The following CACNA2D3 variants were observed in gnomAD, a reference collection of about 807,000 sequenced individuals.
CACNA2D3 encodes calcium voltage-gated channel auxiliary subunit alpha2delta 3.
CACNA2D3 carries 60 observed loss-of-function variants against 160.6 expected under a neutral mutation model. The ratio of observed to expected loss-of-function variants is 0.37; its 90% CI spans 0.30 to 0.46. The LOEUF is 0.46. CACNA2D3 is among the 20% of genes least tolerant of loss of function. CACNA2D3 has a pLI of 1.00. For missense variants in CACNA2D3, 1,205 were observed against 1,365.0 expected (o/e 0.88, Z 1.85); for synonymous variants, 558 against 492.9 (o/e 1.13, Z -1.75).
intron 27 of CACNA2D3, among the ~76,000 whole-genome samples, chr3:54,921,560 C>T (rs1044694848): frequency 6.6e-6 from 1 of 152,110 alleles, no homozygotes; most frequent in African/African-American, 2.4e-5. Flanking sequence ...AATTTTCCCA[C>T]TTTTTGTGGT....
intron 3 of CACNA2D3, among the ~76,000 whole-genome samples, chr3:54,350,116 T>C (rs1324943339): frequency 2.0e-5 from 3 of 152,324 alleles, no homozygotes; most frequent in Middle Eastern, 3.4e-3. Flanking sequence ...TCCTTCCCCC[T>C]TCCAGTTGAA....
intron 4 of CACNA2D3, among the ~76,000 whole-genome samples, chr3:54,423,014 G>A (rs1238000578): frequency 1.3e-5 from 2 of 152,310 alleles, no homozygotes; most frequent in South Asian, 2.1e-4. Context: ...TGGCTGGGAT[G>A]ATGCCCAGAG....
Position 54,586,953 on chromosome 3 carries a change from A to T in CACNA2D3, c.963+5076A>T, listed in dbSNP as rs893199428. ...AAAGAGGAAGTCTTAAAAGAAATTA[A>T]AAAAAATACAAATCTGAATGAAAAC... On this transcript the variant is annotated intron_variant, in intron 9 of 37. Coordinates refer to ENST00000474759, the MANE Select transcript of CACNA2D3 (RefSeq NM_018398.3). Among the ~76,000 whole-genome samples the T allele has an allele frequency of 9.9e-5, 15 of 152,140 alleles. 1 individual carries two copies. Among genetic ancestry groups the T allele is most frequent in the African/African-American group, 3.1e-4 (13 of 41,516 alleles).
chr3:54,377,070 T>A (rs1699025315), intron 3 of CACNA2D3, among the ~76,000 whole-genome samples: 1 of 152,240 alleles, frequency 6.6e-6, no homozygotes, highest in African/African-American at 2.4e-5. Context: ...GGCAAGGAGC[T>A]GCCTGCCACA....
At chr3:54,478,853 T>G (rs1180036852) in intron 4 of CACNA2D3, among the ~76,000 whole-genome samples, 1 of 150,858 alleles carries the variant, frequency 6.6e-6, no homozygotes, top group Non-Finnish European at 1.5e-5. Context: ...TTTTACTTAA[T>G]AATGCTTTTC....
chr3:54,490,844 G>A (rs543150148), intron 4 of CACNA2D3, among the ~76,000 whole-genome samples: 44 of 152,248 alleles, frequency 2.9e-4, no homozygotes, highest in African/African-American at 1.1e-3. Context: ...GGGAGAGTGG[G>A]AGACCCTTGA....
intron 32 of CACNA2D3, among the ~76,000 whole-genome samples, chr3:55,006,806 A>G (rs1028718736): frequency 2.0e-5 from 3 of 152,240 alleles, no homozygotes; most frequent in Non-Finnish European, 2.9e-5. Context: ...TTAAAACTGG[A>G]TAATTCCTCC....
chr3:55,010,898 T>C (rs1177602764), intron 34 of CACNA2D3, among the ~76,000 whole-genome samples: 2 of 152,226 alleles, frequency 1.3e-5, no homozygotes, highest in Middle Eastern at 3.2e-3. Flanking sequence ...AATTTCTTGA[T>C]GGTAGGAGCT....
At chr3:54,240,108 G>A (rs1701947876) in intron 2 of CACNA2D3, among the ~76,000 whole-genome samples, 1 of 152,204 alleles carries the variant, frequency 6.6e-6, no homozygotes, top group East Asian at 1.9e-4. Context: ...AGCGTCTGGG[G>A]TGGTCCAAAG....
intron 5 of CACNA2D3, among the ~76,000 whole-genome samples, chr3:54,548,345 A>G (rs1397559048): frequency 6.6e-6 from 1 of 152,256 alleles, no homozygotes; most frequent in Non-Finnish European, 1.5e-5. Context: ...CAACATCATG[A>G]AATACATAAC....
In CACNA2D3 at chr3:54,633,920, G is replaced by A. The variant is rs918986535; in HGVS notation, c.1053+6044G>A. 5.3e-5 allele frequency among the ~76,000 whole-genome samples: 8 copies of A among 152,140 alleles called. No individual in the cohort carries two copies. The South Asian group carries it at 1.2e-3, about 24-fold the overall frequency. ...ACAGCTGTGTTGCTGAGATGACATC[G>A]AGTGCTTTCCCCTATGCCATGGTAC... On this transcript the variant is annotated intron_variant, in intron 10 of 37. Coordinates refer to ENST00000474759, the MANE Select transcript of CACNA2D3 (RefSeq NM_018398.3).
intron 2 of CACNA2D3, among the ~76,000 whole-genome samples, chr3:54,162,168 G>A (rs895916387): frequency 6.6e-6 from 1 of 152,186 alleles, no homozygotes; most frequent in Non-Finnish European, 1.5e-5. Flanking sequence ...GTGTGCTGGG[G>A]ATAGAGATGT....
At chr3:55,065,008 T>A (rs766873095) in intron 35 of CACNA2D3, among the ~76,000 whole-genome samples, 31 of 152,220 alleles carry the variant, frequency 2.0e-4, no homozygotes, top group African/African-American at 6.8e-4. Context: ...TAGAACAAGG[T>A]TAAATAACAG....
At chr3:54,975,167 C>T (rs1702360133) in intron 29 of CACNA2D3, among the ~76,000 whole-genome samples, 1 of 152,074 alleles carries the variant, frequency 6.6e-6, no homozygotes, top group South Asian at 2.1e-4. Context: ...AGAAAGTCAT[C>T]TTGTCACTCA....
chr3:54,150,218 G>A (rs1053570363), intron 2 of CACNA2D3, among the ~76,000 whole-genome samples: 31 of 152,116 alleles, frequency 2.0e-4, no homozygotes, highest in Admixed American at 4.6e-4. Context: ...TCCAGTTTTA[G>A]GATGCAGTTT....
intron 13 of CACNA2D3, among the ~76,000 whole-genome samples, chr3:54,782,706 A>G (rs1702558740): frequency 6.6e-6 from 1 of 152,138 alleles, no homozygotes; most frequent in African/African-American, 2.4e-5. Context: ...AAAAAGAAAA[A>G]AAAAAGTCTA....
chr3:54,613,861 C>T (rs560109448), intron 9 of CACNA2D3, among the ~76,000 whole-genome samples: 45 of 152,310 alleles, frequency 3.0e-4, no homozygotes, highest in African/African-American at 9.6e-4. Flanking sequence ...AAATCTCATG[C>T]TCTAGCAGCC....
At chr3:54,216,719 A>G (rs1473950757) in intron 2 of CACNA2D3, among the ~76,000 whole-genome samples, 1 of 152,228 alleles carries the variant, frequency 6.6e-6, no homozygotes, top group Non-Finnish European at 1.5e-5. Context: ...GGAGTAATGC[A>G]TTAACTGTTT....
intron 3 of CACNA2D3, among the ~76,000 whole-genome samples, chr3:54,372,053 C>G (rs772017990): frequency 6.6e-6 from 1 of 152,060 alleles, no homozygotes; most frequent in Non-Finnish European, 1.5e-5. Context: ...TAATCCTGAC[C>G]TAGGGTAGCA....
Sources: allele counts gnomAD v4.1 joint callset (sites outside exome capture counted in the v4.1 genomes callset), GRCh38; gene constraint gnomAD v4.1.1; transcripts MANE v1.5; gene names NCBI Gene and HGNC (gene_info 2026-07-23, HGNC 2026-07-21).